Variants in SYN3 observed in about 807,000 individuals in gnomAD.
The protein encoded by SYN3 is synapsin III, also known as synapsin-3.
In SYN3, 35 loss-of-function variants were observed where a neutral mutation model predicts 65.8. That is an observed-to-expected ratio of 0.53 (90% CI 0.41 to 0.70). The LOEUF is 0.70. Among genes scored for constraint, SYN3 ranks in the 30% least tolerant of loss-of-function variants. SYN3 has a pLI of 0.00. For synonymous variants in SYN3, 270 were observed against 292.9 expected, an observed-to-expected ratio of 0.92 and a Z score of 0.80; for missense variants, 680 against 749.0, an observed-to-expected ratio of 0.91 and a Z score of 1.08.
At chr22:32,652,741 C>T (rs1049649385) in intron 6 of SYN3, among the ~76,000 whole-genome samples, 3 of 152,056 alleles carry the variant, frequency 2.0e-5, no homozygotes, top group East Asian at 1.9e-4. Flanking sequence ...GAGAAATTGA[C>T]GCCCAAAGGG....
chr22:32,951,263 C>G (rs1347762013), intron 3 of SYN3, among the ~76,000 whole-genome samples: 1 of 152,096 alleles, frequency 6.6e-6, no homozygotes, highest in Non-Finnish European at 1.5e-5. Flanking sequence ...AGCCTCCTGT[C>G]CCCACCACCA....
intron 3 of SYN3, among the ~76,000 whole-genome samples, chr22:32,955,245 C>T (rs2051416751): frequency 6.6e-6 from 1 of 152,094 alleles, no homozygotes; most frequent in Admixed American, 6.5e-5. Context: ...ATCACAGCTC[C>T]AGCTAAGCAC....
intron 6 of SYN3, among the ~76,000 whole-genome samples, chr22:32,626,227 ACCACACATCTTTCCTG>A (rs1569103008): frequency 6.6e-6 from 1 of 152,142 alleles, no homozygotes; most frequent in African/African-American, 2.4e-5. Context: ...GGCAGGACAC[ACCACACATCTTTCCTG>A]CCACCCTCCT....
At chr22:32,829,823 C>T (rs771500118) in intron 6 of SYN3, among the ~76,000 whole-genome samples, 5 of 152,232 alleles carry the variant, frequency 3.3e-5, no homozygotes, top group African/African-American at 4.8e-5. Flanking sequence ...TGCACTCTGA[C>T]GTACCACTTT....
intron 8 of SYN3, among the ~76,000 whole-genome samples, chr22:32,538,442 C>T (rs2058200431): frequency 6.6e-6 from 1 of 152,084 alleles, no homozygotes; most frequent in African/African-American, 2.4e-5. Context: ...GTGTATAGCC[C>T]CTGGTGATTC....
At chr22:32,930,403 C>T (rs2050595338) in intron 4 of SYN3, among the ~76,000 whole-genome samples, 1 of 152,172 alleles carries the variant, frequency 6.6e-6, no homozygotes, top group Admixed American at 6.5e-5. Context: ...CCTCCTCAGC[C>T]ACGTGGAACT....
At chr22:32,969,623 C>T (rs1057470211) in intron 3 of SYN3, among the ~76,000 whole-genome samples, 1 of 152,172 alleles carries the variant, frequency 6.6e-6, no homozygotes, top group Non-Finnish European at 1.5e-5. Context: ...AGCTAGTGCT[C>T]TCCACACTTT....
At chr22:32,938,380 A>T (rs1224723576) in intron 3 of SYN3, among the ~76,000 whole-genome samples, 1 of 151,856 alleles carries the variant, frequency 6.6e-6, no homozygotes, top group Admixed American at 6.6e-5. Flanking sequence ...ATACAAAAAA[A>T]TTAGCCAGGC....
At chr22:32,769,295 T>C (rs1033258105) in intron 6 of SYN3, among the ~76,000 whole-genome samples, 2 of 152,216 alleles carry the variant, frequency 1.3e-5, no homozygotes, top group African/African-American at 2.4e-5. Flanking sequence ...CCACCTGCTA[T>C]GGTCATCAAT....
At chr22:32,780,067 T>TAAAAAAAAAAA (rs1569218113) in intron 6 of SYN3, among the ~76,000 whole-genome samples, 1 of 3,866 alleles carries the variant, frequency 2.6e-4, no homozygotes, top group African/African-American at 1.2e-3. Flanking sequence ...AGATTCTGTC[T>TAAAAAAAAAAA]CAAAAAAAAA....
At chr22:32,691,503 G>T (rs977310656) in intron 6 of SYN3, among the ~76,000 whole-genome samples, 98 of 152,280 alleles carry the variant, frequency 6.4e-4, no homozygotes, top group African/African-American at 2.1e-3. Flanking sequence ...TAACAGAAGA[G>T]AAATAGATGT....
At chr22:32,653,927 G>GT (rs2060107343) in intron 6 of SYN3, among the ~76,000 whole-genome samples, 1 of 152,168 alleles carries the variant, frequency 6.6e-6, no homozygotes, top group African/African-American at 2.4e-5. Flanking sequence ...CTGACAGAAC[G>GT]TAAGAGGTAG....
intron 6 of SYN3, among the ~76,000 whole-genome samples, chr22:32,848,921 A>G (rs1293191075): frequency 1.3e-5 from 2 of 152,192 alleles, no homozygotes; most frequent in Non-Finnish European, 2.9e-5. Context: ...CAAGGGCTCA[A>G]TCAGAATGCT....
chr22:32,853,007 C>T (rs1352378533), intron 6 of SYN3, among the ~76,000 whole-genome samples: 8 of 152,158 alleles, frequency 5.3e-5, no homozygotes, highest in Non-Finnish European at 1.5e-5. Context: ...TGGGAGGGTC[C>T]CATGGGGAGA....
intron 3 of SYN3, among the ~76,000 whole-genome samples, chr22:32,937,760 C>T (rs1044509848): frequency 6.6e-6 from 1 of 151,712 alleles, no homozygotes; most frequent in Non-Finnish European, 1.5e-5. Context: ...CCATATCATG[C>T]TGCTGAAAAA....
intron 6 of SYN3, among the ~76,000 whole-genome samples, chr22:32,751,486 G>A (rs917143953): frequency 6.6e-6 from 1 of 152,184 alleles, no homozygotes; most frequent in Non-Finnish European, 1.5e-5. Flanking sequence ...GGGAGAGATC[G>A]GGGGACAGCT....
rs2045452719 is a variant in SYN3, at chr22:32,760,604, C to T, written c.711+104311G>A. 2.0e-5 allele frequency among the ~76,000 whole-genome samples: 3 copies of T among 152,224 alleles called. No individual in the cohort carries two copies. The South Asian group carries it at 6.2e-4, about 32-fold the overall frequency. ...CCCCCCGTGGGCAGAGCTCACATCACACCAGCCTCCCACCGTCTACCCTAG... is the reference window on the plus strand; with the variant it reads ...CCCCCCGTGGGCAGAGCTCACATCATACCAGCCTCCCACCGTCTACCCTAG... On this transcript the variant is annotated intron_variant, in intron 6 of 13. Transcript: ENST00000358763.
intron 7 of SYN3, among the ~76,000 whole-genome samples, chr22:32,592,048 C>T (rs1263073755): frequency 6.6e-6 from 1 of 152,310 alleles, no homozygotes; most frequent in Non-Finnish European, 1.5e-5. Flanking sequence ...ATAAATTAAA[C>T]TTTATCATAG....
chr22:32,529,072 A>T (rs550005217), intron 10 of SYN3, 64 bp from the exon 11 acceptor site: 2 of 1,604,602 alleles, frequency 1.2e-6, no homozygotes, highest in Non-Finnish European at 1.7e-6. Flanking sequence ...TGGGCATCAC[A>T]TCCCAGAAGT....
Sources: allele counts gnomAD v4.1 joint callset (sites outside exome capture counted in the v4.1 genomes callset), GRCh38; gene constraint gnomAD v4.1.1; transcripts MANE v1.5; gene names NCBI Gene and HGNC (gene_info 2026-07-23, HGNC 2026-07-21).